ITGAM: variants seen among roughly 807,000 people sequenced by gnomAD.
The protein encoded by ITGAM is integrin alpha-M.
A neutral mutation model predicts 137.5 loss-of-function variants in ITGAM; 79 were observed. That is an observed-to-expected ratio of 0.57 (90% CI 0.48 to 0.69). The LOEUF is 0.69. ITGAM is among the 30% of genes least tolerant of loss of function. The probability of loss-of-function intolerance (pLI) is 0.00; values close to 1 mark genes in which losing one functional copy is unlikely to be tolerated. For missense variants in ITGAM, 1,343 were observed against 1,483.5 expected, an observed-to-expected ratio of 0.91 and a Z score of 1.56; for synonymous variants, 583 against 592.3, an observed-to-expected ratio of 0.98 and a Z score of 0.23.
At chr16:31,299,395 A>G (rs905722467) in intron 14 of ITGAM, among the ~76,000 whole-genome samples, 1 of 151,796 alleles carries the variant, frequency 6.6e-6, no homozygotes, top group Non-Finnish European at 1.5e-5. Context: ...CTGCAACCTT[A>G]CCTCCTGGGT....
In ITGAM at chr16:31,324,193, AAGG is replaced by A. The variant is rs1410945326; in HGVS notation, c.2003-204_2003-202del. ...AGGAAGGAAGGAAAGGAAAGGAAAA[AAGG>A]AAGGAAGGAAGGAAAGGGAGGAAGA... On this transcript the variant is annotated intron_variant, in intron 16 of 29. Coordinates refer to ENST00000544665, the MANE Select transcript of ITGAM (RefSeq NM_000632.4). The surrounding 1 kb of genome is among the most constrained non-coding windows in gnomAD (Gnocchi z 4.5). Among the ~76,000 whole-genome samples the A allele has an allele frequency of 1.3e-5, 2 of 148,708 alleles. No individual in the cohort carries two copies. Among genetic ancestry groups the A allele is most frequent in the Admixed American group, 6.6e-5 (1 of 15,154 alleles).
At position 31,331,632 on chromosome 16, in the gene ITGAM, G is replaced by A. The variant is rs765966134; in HGVS notation, c.3388-4G>A. On this transcript the variant is annotated splice_region_variant and splice_polypyrimidine_tract_variant and intron_variant, in intron 29 of 29. Transcript: ENST00000544665. ...CGCTCTCACTGCCCTCCTCTGCCCC[G>A]CAGCTCGGCTTCTTCAAGCGGCAAT... The A allele has an allele frequency of 1.4e-6, 2 of 1,383,892 alleles. No homozygotes were observed. Among genetic ancestry groups the A allele is most frequent in the South Asian group, 2.3e-5 (2 of 86,372 alleles). 85.7% of individuals were successfully genotyped at this position (1,383,892 alleles called of 1,614,324 possible). A position where few individuals can be genotyped will look rare whatever the true frequency, so the allele number is the denominator to read the frequency against.
At chr16:31,262,427 T>C (rs1033735613) in intron 2 of ITGAM, among the ~76,000 whole-genome samples, 1 of 150,134 alleles carries the variant, frequency 6.7e-6, no homozygotes, top group African/African-American at 2.4e-5. Flanking sequence ...CTTTCTGACA[T>C]GGTCTTGTTC....
chr16:31,319,171 A>G (rs2080422310), intron 14 of ITGAM, among the ~76,000 whole-genome samples: 1 of 151,142 alleles, frequency 6.6e-6, no homozygotes, highest in Non-Finnish European at 1.5e-5. Context: ...AAGAATGTAT[A>G]TTCTGCAGTA....
chr16:31,315,103 G>A lies in ITGAM; in HGVS notation c.1708-6138G>A, dbSNP rs141274282. Among the ~76,000 whole-genome samples the A allele has an allele frequency of 2.1e-3, 325 of 152,036 alleles. 1 individual carries two copies. The highest frequency in any genetic ancestry group is 7.4e-3 in the African/African-American group (305 of 41,454). On this transcript the variant is annotated intron_variant, in intron 14 of 29. Transcript: ENST00000544665. The stretch of plus-strand genomic sequence containing the variant: ...GCTGGGATTACAGGTGTGAGTCACC[G>A]AACCCGGCCCTCTTTGCCCATTTTT...
chr16:31,309,744 G>A (rs1311307828), intron 14 of ITGAM, among the ~76,000 whole-genome samples: 2 of 152,124 alleles, frequency 1.3e-5, no homozygotes, highest in Non-Finnish European at 2.9e-5. Context: ...TTTCTTCTTA[G>A]CCTTGATGGT....
chr16:31,277,913 A>C, intron 11 of ITGAM, 54 bp from the exon 12 acceptor site: 1 of 1,535,682 alleles, frequency 6.5e-7, no homozygotes, highest in Non-Finnish European at 8.8e-7. Flanking sequence ...GTGGGTCTGC[A>C]TGGTGGAGGA....
At chr16:31,329,073 T>TACCCC in intron 23 of ITGAM, 155 bp from the exon 24 acceptor site, 2 of 426,230 alleles carry the variant, frequency 4.7e-6, no homozygotes, top group South Asian at 2.1e-5. Flanking sequence ...ACACATTGGT[T>TACCCC]CCCCCATCCC....
At chr16:31,291,652 T>G (rs1399282313) in intron 12 of ITGAM, among the ~76,000 whole-genome samples, 5 of 152,088 alleles carry the variant, frequency 3.3e-5, no homozygotes, top group Non-Finnish European at 5.9e-5. Context: ...GGATTGGAAC[T>G]GGAGGACATT....
At chr16:31,321,094 A>T in intron 14 of ITGAM, 147 bp from the exon 15 acceptor site, 1 of 796,002 alleles carries the variant, frequency 1.3e-6, no homozygotes, top group Non-Finnish European at 2.1e-6. Context: ...ATAAGTTCTA[A>T]GCTGTCCTAG....
chr16:31,329,724 G>T, intron 24 of ITGAM, 74 bp from the exon 25 acceptor site: 2 of 1,297,302 alleles, frequency 1.5e-6, no homozygotes, highest in Non-Finnish European at 2.2e-6. Context: ...CCTGCCCCGT[G>T]GGGAGGGGAG....
chr16:31,260,538 T>C (rs2079687348), intron 1 of ITGAM, among the ~76,000 whole-genome samples: 3 of 152,238 alleles, frequency 2.0e-5, no homozygotes, highest in Admixed American at 6.5e-5. Context: ...TGTTACCTTT[T>C]ATGCTTATAT....
chr16:31,331,908 C>G lies in ITGAM; in HGVS notation c.*201C>G. The stretch of plus-strand genomic sequence containing the variant: ...AAGTGTGTGCACATGTGTGCGTGTG[C>G]GTGCATGTGCACTTGCACGCCCATG... On this transcript the variant is annotated 3_prime_UTR_variant, in exon 30 of 30. Transcript: ENST00000544665. 8.9e-6 allele frequency: 5 copies of G among 563,458 alleles called. No homozygotes were observed. Among genetic ancestry groups the G allele is most frequent in the Middle Eastern group, 4.6e-4 (1 of 2,170 alleles). 34.9% of individuals were successfully genotyped at this position (563,458 alleles called of 1,614,324 possible). A position where few individuals can be genotyped will look rare whatever the true frequency, so the allele number is the denominator to read the frequency against.
chr16:31,319,952 A>C (rs1452695339), intron 14 of ITGAM, among the ~76,000 whole-genome samples: 1 of 151,868 alleles, frequency 6.6e-6, no homozygotes, highest in Non-Finnish European at 1.5e-5. Flanking sequence ...AGCTGGGACT[A>C]CAGGTGCCCA....
At chr16:31,313,975 A>C (rs1055526687) in intron 14 of ITGAM, among the ~76,000 whole-genome samples, 1 of 150,788 alleles carries the variant, frequency 6.6e-6, no homozygotes, top group Non-Finnish European at 1.5e-5. Flanking sequence ...TTCTCTAATG[A>C]CCAGTGATGA....
At chr16:31,281,540 G>C (rs549231177) in intron 12 of ITGAM, among the ~76,000 whole-genome samples, 1 of 152,306 alleles carries the variant, frequency 6.6e-6, no homozygotes, top group Admixed American at 6.5e-5. Flanking sequence ...ATGGTAGTTT[G>C]TATTTCTGTG....
intron 11 of ITGAM, 50 bp downstream of exon 11, chr16:31,277,099 T>C (rs901048050): frequency 9.8e-6 from 15 of 1,525,242 alleles, no homozygotes; most frequent in Non-Finnish European, 1.3e-5. Context: ...GGATTTGGCA[T>C]AAGTCAACTA....
chr16:31,309,881 G>T (rs1392790420), intron 14 of ITGAM, among the ~76,000 whole-genome samples: 1 of 152,088 alleles, frequency 6.6e-6, no homozygotes, highest in Non-Finnish European at 1.5e-5. Context: ...TTGTTTGTCT[G>T]TAAAGTATTT....
chr16:31,326,266 A>G (rs1387520373), intron 21 of ITGAM, among the ~76,000 whole-genome samples: 1 of 151,960 alleles, frequency 6.6e-6, no homozygotes, highest in East Asian at 1.9e-4. Flanking sequence ...TACTTTGTCT[A>G]TAGATTTGCC....
Sources: gnomAD v4.1 joint callset for allele counts (sites outside exome capture counted in the v4.1 genomes callset) on GRCh38, gnomAD v4.1.1 for gene constraint, Gnocchi (gnomAD v3.1) non-coding constraint, MANE v1.5 for transcripts, NCBI Gene and HGNC (gene_info 2026-07-23, HGNC 2026-07-21) for gene names.